PRKG2: variants seen among roughly 807,000 people sequenced by gnomAD.
PRKG2 encodes the protein protein kinase cGMP-dependent 2.
Under a neutral mutation model 97.2 loss-of-function variants are expected in PRKG2, and 33 were observed. The observed-to-expected ratio is 0.34, with a 90% CI of 0.26 to 0.45. The LOEUF is 0.45. PRKG2 is among the 20% of genes least tolerant of loss of function. The pLI is 1.00. For synonymous variants in PRKG2, 330 were observed against 321.8 expected, an observed-to-expected ratio of 1.03 and a Z score of -0.27; for missense variants, 638 against 900.0, an observed-to-expected ratio of 0.71 and a Z score of 3.73.
Position 81,142,788 on chromosome 4 carries a change from C to T in PRKG2, c.1407+6G>A, listed in dbSNP as rs1747423464. 1 of 1,564,980 alleles carries T rather than the reference C, an allele frequency of 6.4e-7. No individual in the cohort carries two copies. The highest frequency in any genetic ancestry group is 1.2e-5 in the South Asian group (1 of 82,446). ...CTCTCAGATGCTTGAAACGTAAACC[C>T]CTTACAAGCTCAACTCTTCCGAACC... On this transcript the variant is annotated splice_donor_region_variant and intron_variant, in intron 11 of 18. Transcript: ENST00000264399.
chr4:81,140,371 T>C (rs953454296), intron 12 of PRKG2, among the ~76,000 whole-genome samples, 162 bp downstream of exon 12: 4 of 152,220 alleles, frequency 2.6e-5, no homozygotes, highest in Non-Finnish European at 5.9e-5. Flanking sequence ...ATGCTGTAAT[T>C]ATGCATTGCA....
At chr4:81,144,668 T>A (rs1054956108) in intron 9 of PRKG2, among the ~76,000 whole-genome samples, 2 of 151,392 alleles carry the variant, frequency 1.3e-5, no homozygotes, top group African/African-American at 4.9e-5. Context: ...GCAGGTTAGT[T>A]ACATATGTAT....
intron 6 of PRKG2, among the ~76,000 whole-genome samples, chr4:81,159,425 G>T (rs1472100245): frequency 6.6e-6 from 1 of 152,200 alleles, no homozygotes; most frequent in Non-Finnish European, 1.5e-5. Flanking sequence ...TTTCACACCA[G>T]TTAGAATGGC....
intron 2 of PRKG2, among the ~76,000 whole-genome samples, chr4:81,184,227 G>A (rs910222654): frequency 1.3e-5 from 2 of 152,186 alleles, no homozygotes; most frequent in African/African-American, 4.8e-5. Flanking sequence ...GGGGTCGACA[G>A]ACACCTCATA....
chr4:81,198,669 C>G (rs1221460110), intron 2 of PRKG2, among the ~76,000 whole-genome samples: 1 of 152,120 alleles, frequency 6.6e-6, no homozygotes, highest in Non-Finnish European at 1.5e-5. Flanking sequence ...ACATTACAAC[C>G]TGGAGCAAGT....
intron 14 of PRKG2, among the ~76,000 whole-genome samples, chr4:81,134,770 T>G (rs1746508736): frequency 6.6e-6 from 1 of 152,182 alleles, no homozygotes. Context: ...TCTTTATATA[T>G]ACACAGTGGA....
At chr4:81,177,117 C>T (rs72880604) in intron 2 of PRKG2, among the ~76,000 whole-genome samples, 19,665 of 151,962 alleles carry the variant, frequency 0.13, 1,947 homozygotes, top group East Asian at 0.46. Context: ...ACCAAGAAAC[C>T]CCTCATGATT....
chr4:81,164,483 G>C (rs550714498), intron 6 of PRKG2, among the ~76,000 whole-genome samples: 1 of 152,230 alleles, frequency 6.6e-6, no homozygotes, highest in South Asian at 2.1e-4. Flanking sequence ...GCGAGTGTTG[G>C]TAAGGACTAC....
At chr4:81,152,933 C>G (rs574718159) in intron 7 of PRKG2, among the ~76,000 whole-genome samples, 40 of 152,246 alleles carry the variant, frequency 2.6e-4, no homozygotes, top group South Asian at 4.1e-4. Flanking sequence ...GTGCCTGACT[C>G]CCTGATGGTA....
intron 3 of PRKG2, among the ~76,000 whole-genome samples, chr4:81,174,440 C>A (rs1325691899): frequency 6.6e-6 from 1 of 151,926 alleles, no homozygotes; most frequent in East Asian, 1.9e-4. Context: ...TGCATTTTAC[C>A]TCCACTGCTT....
chr4:81,126,186 G>A (rs1745532198), intron 14 of PRKG2, among the ~76,000 whole-genome samples: 1 of 152,094 alleles, frequency 6.6e-6, no homozygotes. Context: ...CTTCATCCAT[G>A]TCCCTGCAAA....
chr4:81,120,510 C>T (rs1325493594), intron 14 of PRKG2, among the ~76,000 whole-genome samples: 1 of 152,078 alleles, frequency 6.6e-6, no homozygotes, highest in Non-Finnish European at 1.5e-5. Context: ...ATAGATCTTA[C>T]ATATATTTTG....
intron 6 of PRKG2, among the ~76,000 whole-genome samples, chr4:81,160,842 CA>C (rs1749543866): frequency 6.6e-6 from 1 of 151,960 alleles, no homozygotes; most frequent in East Asian, 1.9e-4. Context: ...CCTGTCAGAC[CA>C]AAAGAGCGAC....
At chr4:81,173,970 T>C (rs1295766227) in intron 3 of PRKG2, 2 of 152,064 alleles carry the variant, frequency 1.3e-5, no homozygotes, top group African/African-American at 4.8e-5. Context: ...ACTCAAAAAG[T>C]TGTGCCAGAA....
intron 4 of PRKG2, among the ~76,000 whole-genome samples, chr4:81,171,447 C>T (rs933983528): frequency 2.0e-5 from 3 of 151,972 alleles, no homozygotes; most frequent in African/African-American, 4.8e-5. Flanking sequence ...ATGTCTTTAC[C>T]GTTGTGAATA....
intron 14 of PRKG2, among the ~76,000 whole-genome samples, chr4:81,125,627 C>T (rs972289100): frequency 1.3e-5 from 2 of 152,034 alleles, no homozygotes; most frequent in Non-Finnish European, 2.9e-5. Context: ...TGGGTAAATA[C>T]CAAAAAAGTG....
chr4:81,113,293 A>C (rs1335073506), intron 14 of PRKG2, among the ~76,000 whole-genome samples: 1 of 152,114 alleles, frequency 6.6e-6, no homozygotes, highest in Non-Finnish European at 1.5e-5. Context: ...TCAATCTAGG[A>C]GACAAGAAAA....
intron 14 of PRKG2, among the ~76,000 whole-genome samples, chr4:81,118,437 C>A (rs1744763302): frequency 6.6e-6 from 1 of 152,158 alleles, no homozygotes; most frequent in African/African-American, 2.4e-5. Flanking sequence ...AGTGGCTGAA[C>A]CATTTGCATT....
intron 9 of PRKG2, among the ~76,000 whole-genome samples, chr4:81,147,399 C>T (rs1462722991): frequency 6.6e-6 from 1 of 152,112 alleles, no homozygotes; most frequent in Admixed American, 6.6e-5. Flanking sequence ...ATATATTTTC[C>T]ATTTGAGAGT....
Sources: gnomAD v4.1 joint callset for allele counts (sites outside exome capture counted in the v4.1 genomes callset) on GRCh38, gnomAD v4.1.1 for gene constraint, MANE v1.5 for transcripts, NCBI Gene and HGNC (gene_info 2026-07-23, HGNC 2026-07-21) for gene names.